The following MLPH variants were observed in gnomAD, a reference collection of about 807,000 sequenced individuals.
The protein encoded by MLPH is melanophilin.
In MLPH, 51 loss-of-function variants were observed where a neutral mutation model predicts 72.1. The ratio of observed to expected loss-of-function variants is 0.71; its 90% CI spans 0.56 to 0.89. MLPH has a LOEUF of 0.89. Ranked by LOEUF, MLPH falls within the 40% of genes least tolerant of loss-of-function variation. The pLI, the probability that MLPH is intolerant of heterozygous loss-of-function variation, is 0.00. For missense variants in MLPH, 743 were observed against 759.9 expected, an observed-to-expected ratio of 0.98 and a Z score of 0.26; for synonymous variants, 301 against 310.1, an observed-to-expected ratio of 0.97 and a Z score of 0.31.
intron 4 of MLPH, among the ~76,000 whole-genome samples, chr2:237,517,286 C>G (rs62186172): frequency 4.3e-4 from 46 of 106,222 alleles, no homozygotes; most frequent in East Asian, 2.8e-3. Context: ...TGGGTGGATG[C>G]ATGGATGCAT....
chr2:237,525,376 C>T (rs1342513898), intron 6 of MLPH, among the ~76,000 whole-genome samples: 1 of 152,208 alleles, frequency 6.6e-6, no homozygotes, highest in Non-Finnish European at 1.5e-5. Context: ...TGCACAGACA[C>T]ATGCAATAGG....
chr2:237,505,897 TC>T lies in MLPH; in HGVS notation c.111-4673del, dbSNP rs1248903630. 6.6e-6 allele frequency among the ~76,000 whole-genome samples: 1 copy of T among 152,116 alleles called. No individual in the cohort carries two copies. The highest frequency in any genetic ancestry group is 1.5e-5 in the Non-Finnish European group (1 of 68,014). Reference sequence around the variant, plus strand: ...GGACTGCAGAGGACAGTAATGTGGGTCCCCTGCCCCAAGGACAAGGACAGCA... The same window carrying T: ...GGACTGCAGAGGACAGTAATGTGGGTCCCTGCCCCAAGGACAAGGACAGCA... On this transcript the variant is annotated intron_variant, in intron 2 of 15. Transcript: ENST00000264605. This position sits in a 1 kb window ranked among gnomAD's most constrained non-coding sequence, Gnocchi z 4.5.
chr2:237,547,246 G>A (rs1158040537), intron 13 of MLPH, among the ~76,000 whole-genome samples: 4 of 152,264 alleles, frequency 2.6e-5, no homozygotes, highest in African/African-American at 4.8e-5. Context: ...CAGTGTGCTC[G>A]AAAATGGCAC....
chr2:237,511,282 T>A (rs2079897589), intron 4 of MLPH, 181 bp downstream of exon 4: 1 of 565,440 alleles, frequency 1.8e-6, no homozygotes, highest in Non-Finnish European at 3.1e-6. Flanking sequence ...TTTTTTTTTT[T>A]TTAATTTTTG....
intron 2 of MLPH, among the ~76,000 whole-genome samples, chr2:237,509,749 G>A (rs927181288): frequency 1.3e-5 from 2 of 152,074 alleles, no homozygotes; most frequent in Non-Finnish European, 2.9e-5. Flanking sequence ...ACTTGAAACC[G>A]GAGGTGGCCT....
chr2:237,542,737 G>A (rs1389253349), intron 12 of MLPH, 78 bp downstream of exon 12: 16 of 893,248 alleles, frequency 1.8e-5, no homozygotes, highest in South Asian at 7.8e-5. Context: ...GGTGAGTGGG[G>A]GACAGTGGTG....
At chr2:237,506,211 A>G (rs1452396827) in intron 2 of MLPH, among the ~76,000 whole-genome samples, 3 of 152,252 alleles carry the variant, frequency 2.0e-5, no homozygotes, top group African/African-American at 7.2e-5. Flanking sequence ...GGAGTTAAAA[A>G]TATTTATTTA....
At chr2:237,521,653 C>T (rs2080184356) in intron 6 of MLPH, among the ~76,000 whole-genome samples, 1 of 152,170 alleles carries the variant, frequency 6.6e-6, no homozygotes, top group Admixed American at 6.5e-5. Flanking sequence ...AGCCGCCAGA[C>T]AGAATGTAAA....
Position 237,509,596 on chromosome 2 carries a change from G to A in MLPH, c.111-978G>A, listed in dbSNP as rs138487659. Among the ~76,000 whole-genome samples, 278 of 152,202 alleles carry A rather than the reference G, an allele frequency of 1.8e-3. 1 individual carries two copies. Among genetic ancestry groups the A allele is most frequent in the Non-Finnish European group, 3.3e-3 (225 of 68,006 alleles). ...ATCTAAACTGTAGTCTGTGGATGGC[G>A]GTATCCCCCTAGATTCCTACAACTG... is the stretch of plus-strand genomic sequence containing the variant. On this transcript the variant is annotated intron_variant, in intron 2 of 15. Coordinates refer to ENST00000264605, the MANE Select transcript of MLPH (RefSeq NM_024101.7).
rs1340086725 is a variant in MLPH at position 237,527,524 on chromosome 2, T to TGAGGCTGGAAAGTCA, written c.1020+9_1020+10insAGGCTGGAAAGTCAG. On this transcript the variant is annotated intron_variant, in intron 8 of 15. Coordinates refer to ENST00000264605, the MANE Select transcript of MLPH (RefSeq NM_024101.7). The stretch of plus-strand genomic sequence containing the variant: ...GCGTCTTCTGAGAGTCAGGTAACGG[T>TGAGGCTGGAAAGTCA]GGCTGGAAAGACTTCTGTCTTGTCG... 6.2e-7 allele frequency: 1 copy of TGAGGCTGGAAAGTCA among 1,614,134 alleles called. No individual in the cohort carries two copies. Among genetic ancestry groups the TGAGGCTGGAAAGTCA allele is most frequent in the Non-Finnish European group, 8.5e-7 (1 of 1,180,038 alleles).
intron 6 of MLPH, among the ~76,000 whole-genome samples, chr2:237,520,763 G>A (rs1431036863): frequency 6.6e-6 from 1 of 152,196 alleles, no homozygotes; most frequent in Non-Finnish European, 1.5e-5. Context: ...GAGTAGATAC[G>A]GTAATGGAGG....
In MLPH at chr2:237,510,941, TG is replaced by T; in HGVS notation, c.333-47del. ...TGTGTGTGTGAGATTTATGCAGGCC[TG>T]TGTACAGCACTCAGGCAGTGCCATG... On this transcript the variant is annotated intron_variant, in intron 3 of 15. Transcript: ENST00000264605. This position sits in a 1 kb window ranked among gnomAD's most constrained non-coding sequence, Gnocchi z 4.4. 6.4e-7 allele frequency: 1 copy of T among 1,554,610 alleles called. No homozygotes were observed. Among genetic ancestry groups the T allele is most frequent in the Non-Finnish European group, 8.9e-7 (1 of 1,127,102 alleles).
chr2:237,487,101 C>T (rs995385803), upstream of MLPH: 1 of 152,286 alleles, frequency 6.6e-6, no homozygotes, highest in African/African-American at 2.4e-5. Flanking sequence ...GGGCTCTCCC[C>T]CGCACTGGCG....
rs1218676451 is a variant in MLPH, at chr2:237,541,072, A to G, written c.1446+115A>G. The G allele has an allele frequency of 7.3e-7, 1 of 1,364,572 alleles. No individual in the cohort carries two copies. The highest frequency in any genetic ancestry group is 1.4e-5 in the African/African-American group (1 of 69,228). 84.5% of individuals were successfully genotyped at this position (1,364,572 alleles called of 1,614,324 possible). ...CGCCAGCTCACACTGAGCCCTCCCC[A>G]TTGGCCCAGCATGCACGGCTCTGAA... is the stretch of plus-strand genomic sequence containing the variant. On this transcript the variant is annotated intron_variant, in intron 11 of 15. Transcript: ENST00000264605. The surrounding 1 kb of genome is among the most constrained non-coding windows in gnomAD (Gnocchi z 5.1).
At chr2:237,527,256 T>A (rs2080323654) in intron 7 of MLPH, 121 bp from the exon 8 acceptor site, 1 of 1,264,224 alleles carries the variant, frequency 7.9e-7, no homozygotes, top group Non-Finnish European at 1.1e-6. Context: ...CTCAGCCCTG[T>A]AACATGAACA....
chr2:237,539,309 T>C (rs74003107), intron 9 of MLPH, among the ~76,000 whole-genome samples: 26,148 of 152,084 alleles, frequency 0.17, 2,394 homozygotes, highest in African/African-American at 0.2. Flanking sequence ...GGCAGACCGA[T>C]CCCGGGGGCC....
chr2:237,527,442 G>A lies in MLPH; in HGVS notation c.946G>A (p.Glu316Lys), dbSNP rs1326493433. 3 of 1,614,210 alleles carry A rather than the reference G, an allele frequency of 1.9e-6. No homozygotes were observed. The highest frequency in any genetic ancestry group is 1.3e-5 in the African/African-American group (1 of 75,058). Residue 316 changes from glutamate (E) to lysine (K), a missense_variant, in exon 8 of 16, where the codon GAG becomes AAG. Transcript: ENST00000264605. ...CTTGGCCGATGTGGACACCTCTGAT[G>A]AGGAAAGCATCCGGGCTCACGTGAT... ...QYLADVDTSD[E>K]ESIRAHVMAS...
chr2:237,513,257 C>T (rs1193645613), intron 4 of MLPH, among the ~76,000 whole-genome samples: 1 of 152,224 alleles, frequency 6.6e-6, no homozygotes, highest in African/African-American at 2.4e-5. Context: ...TTCACCAAGG[C>T]CTTCCATAGA....
chr2:237,545,761 T>C (rs1310228291), intron 12 of MLPH: 3 of 795,342 alleles, frequency 3.8e-6, no homozygotes, highest in Non-Finnish European at 5.0e-6. Context: ...CCAGATAGGG[T>C]CATGACGGAA....
Sources: gnomAD v4.1 joint callset for allele counts (sites outside exome capture counted in the v4.1 genomes callset) on GRCh38, gnomAD v4.1.1 for gene constraint, Gnocchi (gnomAD v3.1) non-coding constraint, MANE v1.5 for transcripts, NCBI Gene and HGNC (gene_info 2026-07-23, HGNC 2026-07-21) for gene names.